The following CLSTN2 variants were observed in gnomAD, a reference collection of about 807,000 sequenced individuals.
CLSTN2 encodes the protein calsyntenin 2, also known as calsyntenin-2.
CLSTN2 carries 48 observed loss-of-function variants against 101.2 expected under a neutral mutation model. That is an observed-to-expected ratio of 0.47 (90% CI 0.38 to 0.60). The LOEUF is 0.60. CLSTN2 is among the 20% of genes least tolerant of loss of function. The pLI is 0.00. For synonymous variants in CLSTN2, 481 were observed against 463.6 expected, an observed-to-expected ratio of 1.04 and a Z score of -0.48; for missense variants, 1,160 against 1,238.2, an observed-to-expected ratio of 0.94 and a Z score of 0.95.
chr3:139,974,627 G>T (rs1935779447), intron 1 of CLSTN2, among the ~76,000 whole-genome samples: 1 of 152,192 alleles, frequency 6.6e-6, no homozygotes, highest in African/African-American at 2.4e-5. Context: ...TTGAAATTGG[G>T]CAGGAAGGTT....
At chr3:140,004,765 ATTG>A (rs767513585) in intron 1 of CLSTN2, among the ~76,000 whole-genome samples, 14 of 151,928 alleles carry the variant, frequency 9.2e-5, no homozygotes, top group Non-Finnish European at 1.3e-4. Flanking sequence ...TGCTAATTTG[ATTG>A]TTATCTTTGG....
At chr3:140,468,363 G>A (rs1345438916) in intron 8 of CLSTN2, among the ~76,000 whole-genome samples, 1 of 152,182 alleles carries the variant, frequency 6.6e-6, no homozygotes, top group Non-Finnish European at 1.5e-5. Context: ...GGATTGAGAG[G>A]CATTGATGCA....
intron 2 of CLSTN2, among the ~76,000 whole-genome samples, chr3:140,363,635 G>C (rs1006022686): frequency 2.0e-5 from 3 of 152,140 alleles, no homozygotes; most frequent in Admixed American, 1.3e-4. Flanking sequence ...GTCTTCATTT[G>C]CATTTCTCCC....
intron 1 of CLSTN2, among the ~76,000 whole-genome samples, chr3:140,077,987 A>G (rs1306103177): frequency 6.6e-6 from 1 of 152,198 alleles, no homozygotes; most frequent in Admixed American, 6.5e-5. Context: ...TGGGATTGGT[A>G]GAAAATTTCC....
intron 1 of CLSTN2, among the ~76,000 whole-genome samples, chr3:139,980,521 T>C (rs1300938170): frequency 6.6e-6 from 1 of 152,140 alleles, no homozygotes; most frequent in African/African-American, 2.4e-5. Context: ...ATCAAGAAAA[T>C]GGTTCCAAGA....
chr3:140,558,601 GT>G (rs1935846196), intron 11 of CLSTN2, 38 bp from the exon 12 acceptor site: 2 of 1,551,226 alleles, frequency 1.3e-6, no homozygotes, highest in East Asian at 2.3e-5. Flanking sequence ...TGGTTTAATT[GT>G]TTGCTCATCA....
intron 2 of CLSTN2, among the ~76,000 whole-genome samples, chr3:140,328,341 CAG>C (rs1368570073): frequency 8.5e-5 from 13 of 152,206 alleles, no homozygotes; most frequent in Non-Finnish European, 1.3e-4. Flanking sequence ...AAACCCAGGG[CAG>C]ACTCACCCTC....
chr3:140,052,425 A>G (rs1328806102), intron 1 of CLSTN2, among the ~76,000 whole-genome samples: 6 of 152,200 alleles, frequency 3.9e-5, no homozygotes, highest in Admixed American at 2.6e-4. Flanking sequence ...CAAAGTGCTG[A>G]GATTACAGGC....
At chr3:140,352,217 A>T (rs1407633932) in intron 2 of CLSTN2, among the ~76,000 whole-genome samples, 1 of 152,232 alleles carries the variant, frequency 6.6e-6, no homozygotes, top group Non-Finnish European at 1.5e-5. Context: ...TAAAGTTATC[A>T]TTACTATTCT....
chr3:140,077,096 T>C (rs1347037009), intron 1 of CLSTN2, among the ~76,000 whole-genome samples: 2 of 152,132 alleles, frequency 1.3e-5, no homozygotes, highest in East Asian at 1.9e-4. Flanking sequence ...ATTCTCTCAA[T>C]GAAATGGAAA....
At chr3:140,409,226 C>T (rs2088337072) in intron 4 of CLSTN2, among the ~76,000 whole-genome samples, 1 of 152,218 alleles carries the variant, frequency 6.6e-6, no homozygotes, top group South Asian at 2.1e-4. Flanking sequence ...CTGCCCCAGC[C>T]CTAACCATTA....
chr3:140,335,626 G>A (rs890158810), intron 2 of CLSTN2, among the ~76,000 whole-genome samples: 1 of 152,164 alleles, frequency 6.6e-6, no homozygotes, highest in African/African-American at 2.4e-5. Context: ...GAAGACAGAA[G>A]TCAGATTTCA....
intron 2 of CLSTN2, among the ~76,000 whole-genome samples, chr3:140,245,950 G>A (rs4571205): frequency 0.97 from 147,610 of 152,238 alleles, 71,706 homozygotes; most frequent in East Asian, 1. Context: ...ACTGATATTC[G>A]TATTTCCTAA....
At chr3:140,399,300 A>G (rs1207352120) in intron 2 of CLSTN2, among the ~76,000 whole-genome samples, 4 of 152,242 alleles carry the variant, frequency 2.6e-5, no homozygotes, top group Non-Finnish European at 5.9e-5. Context: ...TGCTAGTGAC[A>G]AGCCTCACAA....
intron 1 of CLSTN2, among the ~76,000 whole-genome samples, chr3:140,009,232 G>A (rs950541951): frequency 2.1e-4 from 32 of 152,220 alleles, no homozygotes; most frequent in African/African-American, 7.5e-4. Context: ...CTTTCCTGAA[G>A]CCCCATTTTC....
At chr3:140,389,029 T>C (rs1470332461) in intron 2 of CLSTN2, among the ~76,000 whole-genome samples, 3 of 152,248 alleles carry the variant, frequency 2.0e-5, no homozygotes, top group Non-Finnish European at 2.9e-5. Context: ...GTTTCTGTGG[T>C]AAATCCTACT....
chr3:140,293,843 A>ACCCTTT (rs540619771), intron 2 of CLSTN2, among the ~76,000 whole-genome samples: 144 of 152,140 alleles, frequency 9.5e-4, no homozygotes, highest in African/African-American at 3.4e-3. Context: ...AGCCAAATTC[A>ACCCTTT]CCCTTTCCTT....
chr3:140,074,658 T>G (rs2008456210), intron 1 of CLSTN2, among the ~76,000 whole-genome samples: 1 of 152,184 alleles, frequency 6.6e-6, no homozygotes, highest in African/African-American at 2.4e-5. Flanking sequence ...GTTTTACAGA[T>G]GAGGAAACAG....
At chr3:140,456,406 A>C (rs1224883348) in intron 6 of CLSTN2, among the ~76,000 whole-genome samples, 3 of 152,150 alleles carry the variant, frequency 2.0e-5, no homozygotes, top group African/African-American at 4.8e-5. Context: ...AGTAACTAAA[A>C]AGCATGTGTA....
Sources: gnomAD v4.1 joint callset for allele counts (sites outside exome capture counted in the v4.1 genomes callset) on GRCh38, gnomAD v4.1.1 for gene constraint, MANE v1.5 for transcripts, NCBI Gene and HGNC (gene_info 2026-07-23, HGNC 2026-07-21) for gene names.